FILIP1L: variants seen among roughly 807,000 people sequenced by gnomAD.
FILIP1L encodes the protein filamin A interacting protein 1 like.
FILIP1L carries 55 observed loss-of-function variants against 96.6 expected under a neutral mutation model. That is an observed-to-expected ratio of 0.57 (90% CI 0.46 to 0.71). FILIP1L has a LOEUF of 0.71. FILIP1L is among the 30% of genes least tolerant of loss of function. FILIP1L has a pLI of 0.00. For synonymous variants in FILIP1L, 467 were observed against 473.9 expected (o/e 0.99, Z 0.19); for missense variants, 1,304 against 1,321.2 (o/e 0.99, Z 0.20).
chr3:100,111,030 A>G (rs888019916), intron 1 of FILIP1L, among the ~76,000 whole-genome samples: 4 of 152,320 alleles, frequency 2.6e-5, no homozygotes, highest in Admixed American at 6.5e-5. Context: ...TTTCATTACA[A>G]TAATAGGAGT....
chr3:100,015,224 G>A (rs1358958147), intron 1 of FILIP1L, among the ~76,000 whole-genome samples: 1 of 151,710 alleles, frequency 6.6e-6, no homozygotes, highest in Non-Finnish European at 1.5e-5. Context: ...TTAATTTCTG[G>A]GCTCTCTGTT....
chr3:99,833,893 T>C (rs1033306169), intron 5 of FILIP1L, among the ~76,000 whole-genome samples: 1 of 152,276 alleles, frequency 6.6e-6, no homozygotes, highest in Non-Finnish European at 1.5e-5. Flanking sequence ...ACAGTGTTTT[T>C]GTAGTTTTGT....
intron 1 of FILIP1L, among the ~76,000 whole-genome samples, chr3:100,098,061 A>G (rs2066241951): frequency 6.6e-6 from 1 of 152,328 alleles, no homozygotes; most frequent in East Asian, 1.9e-4. Context: ...AAGAATAGCA[A>G]CAAGATCATA....
intron 1 of FILIP1L, among the ~76,000 whole-genome samples, chr3:99,958,409 A>G (rs1272395569): frequency 2.0e-5 from 3 of 152,082 alleles, no homozygotes; most frequent in Non-Finnish European, 4.4e-5. Flanking sequence ...AAAAGCTGCT[A>G]CAGTGGGCAG....
intron 4 of FILIP1L, among the ~76,000 whole-genome samples, chr3:99,867,423 G>C (rs1007627350): frequency 6.6e-6 from 1 of 152,098 alleles, no homozygotes; most frequent in Non-Finnish European, 1.5e-5. Flanking sequence ...CTGAAAAAAA[G>C]GTTTTTGAAA....
At chr3:99,945,734 T>C (rs546117911) in intron 1 of FILIP1L, among the ~76,000 whole-genome samples, 1 of 152,318 alleles carries the variant, frequency 6.6e-6, no homozygotes, top group South Asian at 2.1e-4. Context: ...CTGTTTTTGC[T>C]AGGGGTTGGG....
intron 1 of FILIP1L, among the ~76,000 whole-genome samples, chr3:100,037,080 G>C (rs376495973): frequency 2.6e-5 from 4 of 152,064 alleles, no homozygotes; most frequent in African/African-American, 9.7e-5. Context: ...ATCCTGGATC[G>C]GGGGAGGAAA....
chr3:99,871,114 G>C (rs1372719814), intron 4 of FILIP1L, among the ~76,000 whole-genome samples: 1 of 152,204 alleles, frequency 6.6e-6, no homozygotes, highest in East Asian at 1.9e-4. Context: ...ATACAAAGCA[G>C]ATTTCACTGC....
At chr3:99,887,741 G>C (rs1338848866) in intron 4 of FILIP1L, among the ~76,000 whole-genome samples, 1 of 152,122 alleles carries the variant, frequency 6.6e-6, no homozygotes, top group Non-Finnish European at 1.5e-5. Context: ...ATATGGATAT[G>C]ATGTAGATAT....
intron 1 of FILIP1L, among the ~76,000 whole-genome samples, chr3:100,062,429 CA>C (rs2065589586): frequency 6.6e-6 from 1 of 152,048 alleles, no homozygotes; most frequent in Non-Finnish European, 1.5e-5. Flanking sequence ...CTTCTTTTAA[CA>C]GAAGATTTTG....
intron 3 of FILIP1L, chr3:99,926,047 A>C (rs1299018039): frequency 5.4e-6 from 1 of 183,814 alleles, no homozygotes; most frequent in Non-Finnish European, 1.0e-5. Context: ...GATAATGTTG[A>C]TTGATTTTTA....
intron 1 of FILIP1L, among the ~76,000 whole-genome samples, chr3:100,073,434 G>C (rs1463200312): frequency 6.6e-6 from 1 of 152,280 alleles, no homozygotes; most frequent in East Asian, 1.9e-4. Context: ...TACAAATAGA[G>C]TAAATGTTGT....
intron 4 of FILIP1L, among the ~76,000 whole-genome samples, chr3:99,906,921 G>A (rs1706636217): frequency 6.6e-6 from 1 of 152,222 alleles, no homozygotes; most frequent in South Asian, 2.1e-4. Flanking sequence ...TATTGATCAT[G>A]TGGATGAAGA....
chr3:100,052,358 C>T (rs975604284), intron 1 of FILIP1L, among the ~76,000 whole-genome samples: 4 of 152,182 alleles, frequency 2.6e-5, no homozygotes, highest in African/African-American at 7.2e-5. Flanking sequence ...CTTCTCTGCA[C>T]CAAAATTCCA....
intron 4 of FILIP1L, among the ~76,000 whole-genome samples, chr3:99,900,841 C>A (rs1332077472): frequency 6.6e-6 from 1 of 152,194 alleles, no homozygotes; most frequent in Non-Finnish European, 1.5e-5. Flanking sequence ...TTAAAAGCTT[C>A]TCTGGTGATT....
intron 1 of FILIP1L, among the ~76,000 whole-genome samples, chr3:100,057,551 T>C (rs150636580): frequency 1.3e-5 from 2 of 152,350 alleles, no homozygotes; most frequent in East Asian, 1.9e-4. Context: ...TCTCGTGATA[T>C]GTCTCTGTAA....
chr3:99,882,852 T>C (rs1705773531), intron 4 of FILIP1L, among the ~76,000 whole-genome samples: 1 of 152,230 alleles, frequency 6.6e-6, no homozygotes, highest in South Asian at 2.1e-4. Context: ...ATGTTTTCTT[T>C]TGTTGCATTT....
intron 1 of FILIP1L, among the ~76,000 whole-genome samples, chr3:99,939,941 A>G (rs975666916): frequency 1.3e-5 from 2 of 152,192 alleles, no homozygotes; most frequent in African/African-American, 4.8e-5. Context: ...TTAGTTTGGA[A>G]GTGTTCTTTG....
intron 1 of FILIP1L, among the ~76,000 whole-genome samples, chr3:99,983,504 A>ATG (rs1709232146): frequency 8.9e-6 from 1 of 112,272 alleles, no homozygotes; most frequent in Non-Finnish European, 1.8e-5. Context: ...ATATATATAT[A>ATG]TATATGTATA....
Sources: allele counts gnomAD v4.1 joint callset (sites outside exome capture counted in the v4.1 genomes callset), GRCh38; gene constraint gnomAD v4.1.1; transcripts MANE v1.5; gene names NCBI Gene and HGNC (gene_info 2026-07-23, HGNC 2026-07-21).